The following JCAD variants were observed in gnomAD, a reference collection of about 807,000 sequenced individuals.
JCAD encodes junctional cadherin 5-associated protein.
JCAD carries 40 observed loss-of-function variants against 98.0 expected under a neutral mutation model. That is an observed-to-expected ratio of 0.41 (90% confidence interval 0.32 to 0.53). The LOEUF is 0.53. Among genes scored for constraint, JCAD ranks in the 20% least tolerant of loss-of-function variants. JCAD has a pLI of 0.31. For synonymous variants in JCAD, 691 were observed against 682.3 expected, an observed-to-expected ratio of 1.01 and a Z score of -0.20; for missense variants, 1,705 against 1,738.1, an observed-to-expected ratio of 0.98 and a Z score of 0.34.
At chr10:30,085,292 C>T (rs1183862553) in intron 1 of JCAD, among the ~76,000 whole-genome samples, 1 of 151,992 alleles carries the variant, frequency 6.6e-6, no homozygotes, top group Non-Finnish European at 1.5e-5. Flanking sequence ...TTGAATTGGT[C>T]TTTACATTTA....
intron 1 of JCAD, 49 bp from the exon 2 acceptor site, chr10:30,047,920 C>G: frequency 8.4e-7 from 1 of 1,193,818 alleles, no homozygotes; most frequent in Non-Finnish European, 1.2e-6. Flanking sequence ...CCCTAGAGGT[C>G]AGTCTGACAC....
chr10:30,071,925 G>A (rs1837899324), intron 1 of JCAD, among the ~76,000 whole-genome samples: 1 of 152,086 alleles, frequency 6.6e-6, no homozygotes, highest in Admixed American at 6.5e-5. Flanking sequence ...TCCTCATAAA[G>A]GCAAGTGAAC....
chr10:30,050,341 A>G (rs1433270022), intron 1 of JCAD, among the ~76,000 whole-genome samples: 3 of 149,586 alleles, frequency 2.0e-5, no homozygotes, highest in Non-Finnish European at 4.4e-5. Context: ...AAAAAAAAAA[A>G]AGAAAGAAAG....
intron 2 of JCAD, among the ~76,000 whole-genome samples, chr10:30,045,492 G>C (rs1207660495): frequency 6.6e-6 from 1 of 152,066 alleles, no homozygotes; most frequent in Non-Finnish European, 1.5e-5. Context: ...TAGGAGACAA[G>C]GTACAATCTC....
Position 30,027,178 on chromosome 10 carries a change from C to T in JCAD, c.2970G>A (p.Ala990=). The T allele has an allele frequency of 6.2e-7, 1 of 1,614,150 alleles. No homozygotes were observed. Among genetic ancestry groups the T allele is most frequent in the Non-Finnish European group, 8.5e-7 (1 of 1,179,984 alleles). Reference sequence around the variant, plus strand: ...GCTCCCTAGGTTCAGCTGGATAGGACGCGGGCAGTGGTTTTGCGTCACTTG... The same window carrying T: ...GCTCCCTAGGTTCAGCTGGATAGGATGCGGGCAGTGGTTTTGCGTCACTTG... ...SRSSDAKPLP[A]SYPAEPREPQ... The change falls in exon 3 of 4, where the codon GCG becomes GCA. Residue 990 remains alanine, a synonymous_variant. Coordinates refer to ENST00000375377, the MANE Select transcript of JCAD (RefSeq NM_020848.4).
chr10:30,046,137 G>T (rs935332029), intron 2 of JCAD, among the ~76,000 whole-genome samples: 2 of 152,032 alleles, frequency 1.3e-5, no homozygotes, highest in African/African-American at 4.8e-5. Context: ...TACATAACAC[G>T]CTCTGTAGAC....
chr10:30,071,544 G>A (rs1332225606), intron 1 of JCAD, among the ~76,000 whole-genome samples: 1 of 152,062 alleles, frequency 6.6e-6, no homozygotes, highest in African/African-American at 2.4e-5. Context: ...GTGGCTCACG[G>A]CTGTAATCCC....
At chr10:30,046,074 G>C (rs1188667418) in intron 2 of JCAD, among the ~76,000 whole-genome samples, 1 of 152,158 alleles carries the variant, frequency 6.6e-6, no homozygotes, top group African/African-American at 2.4e-5. Context: ...CTTAAAGAAA[G>C]GTCCCTGATT....
intron 2 of JCAD, among the ~76,000 whole-genome samples, chr10:30,040,796 G>A (rs1277901280): frequency 3.3e-5 from 5 of 152,288 alleles, no homozygotes; most frequent in Non-Finnish European, 5.9e-5. Flanking sequence ...AGAACGCAGA[G>A]GCACAGCCAT....
chr10:30,017,199 T>C lies in JCAD; in HGVS notation c.*684A>G, dbSNP rs531226888. The C allele has an allele frequency of 3.9e-5, 6 of 152,370 alleles. No individual in the cohort carries two copies. In the East Asian group the frequency reaches 9.6e-4, roughly 24 times the overall value. 9.4% of individuals were successfully genotyped at this position (152,370 alleles called of 1,614,324 possible). On this transcript the variant is annotated 3_prime_UTR_variant, in exon 4 of 4. Transcript: ENST00000375377. ...ATAATACTGAGTGCAAAGCAGACAA[T>C]GGCGTGTTTGCAAATGATCAAAATA...
At chr10:30,045,749 A>G (rs1208486961) in intron 2 of JCAD, among the ~76,000 whole-genome samples, 1 of 152,196 alleles carries the variant, frequency 6.6e-6, no homozygotes, top group African/African-American at 2.4e-5. Flanking sequence ...AACAGCTTCC[A>G]GCCCCTTCTT....
rs373376609 is a variant in JCAD at position 30,026,339 on chromosome 10, C to T, written c.3809G>A (p.Arg1270Gln). The T allele has an allele frequency of 6.5e-5, 105 of 1,614,010 alleles. No homozygotes were observed. Among genetic ancestry groups the T allele is most frequent in the Middle Eastern group, 1.6e-4 (1 of 6,084 alleles). Residue 1270 changes from arginine (R) to glutamine (Q), a missense_variant, in exon 3 of 4, where the codon CGG becomes CAG. Transcript: ENST00000375377. ...MRMKEVSSVS[R>Q]MRVLSFRNAD... is the part of the protein sequence containing the mutation. The stretch of plus-strand genomic sequence containing the variant: ...ATTCCTGAAGCTCAGGACTCTCATC[C>T]GTGACACTGAGCTCACCTCTTTCAT...
chr10:30,019,727 T>C (rs1194140627), intron 3 of JCAD, among the ~76,000 whole-genome samples: 2 of 152,086 alleles, frequency 1.3e-5, no homozygotes, highest in Non-Finnish European at 2.9e-5. Context: ...AATGCCATCA[T>C]GTACACTTGG....
intron 2 of JCAD, among the ~76,000 whole-genome samples, chr10:30,066,569 C>T (rs1004611663): frequency 2.6e-5 from 4 of 152,042 alleles, no homozygotes; most frequent in Admixed American, 2.0e-4. Context: ...CCGCTGGTAC[C>T]GGGGGGATGC....
At chr10:30,075,010 T>C (rs1422916050) in intron 1 of JCAD, among the ~76,000 whole-genome samples, 1 of 152,170 alleles carries the variant, frequency 6.6e-6, no homozygotes, top group East Asian at 1.9e-4. Context: ...CAGGCTGATC[T>C]TCAACCCTGG....
chr10:30,064,397 T>G (rs1466285399), upstream of JCAD, among the ~76,000 whole-genome samples: 3 of 152,126 alleles, frequency 2.0e-5, no homozygotes, highest in Non-Finnish European at 4.4e-5. Context: ...CTACAAGAAA[T>G]AAATTTCTAT....
At chr10:30,064,949 C>T (rs1167975835) in intron 2 of JCAD, among the ~76,000 whole-genome samples, 1 of 152,192 alleles carries the variant, frequency 6.6e-6, no homozygotes, top group Non-Finnish European at 1.5e-5. Flanking sequence ...GGATTACAGG[C>T]GTGAGCCACC....
chr10:30,104,379 G>A (rs1838528945), intron 1 of JCAD, among the ~76,000 whole-genome samples: 2 of 152,188 alleles, frequency 1.3e-5, no homozygotes, highest in African/African-American at 2.4e-5. Flanking sequence ...TATACACCAT[G>A]GAACACTATG....
In JCAD at chr10:30,026,315, T is replaced by C. The variant is rs758798123; in HGVS notation, c.3833A>G (p.Asn1278Ser). 5.6e-6 allele frequency: 9 copies of C among 1,614,106 alleles called. No homozygotes were observed. The South Asian group carries it at 9.9e-5, about 18-fold the overall frequency. ...VSRMRVLSFR[N>S]ADSQEDAEEL... ...CTCGGCGTCCTCCTGGGAGTCGGCATTCCTGAAGCTCAGGACTCTCATCCG... is the reference window on the plus strand; with the variant it reads ...CTCGGCGTCCTCCTGGGAGTCGGCACTCCTGAAGCTCAGGACTCTCATCCG... Residue 1278 changes from asparagine to serine, a missense_variant, in exon 3 of 4, where the codon AAT becomes AGT. Transcript: ENST00000375377.
Sources: gnomAD v4.1 joint callset for allele counts (sites outside exome capture counted in the v4.1 genomes callset) on GRCh38, gnomAD v4.1.1 for gene constraint, MANE v1.5 for transcripts, NCBI Gene and HGNC (gene_info 2026-07-23, HGNC 2026-07-21) for gene names.